LEPR: variants seen among roughly 807,000 people sequenced by gnomAD.
The protein encoded by LEPR is leptin receptor.
Under a neutral mutation model 114.7 loss-of-function variants are expected in LEPR, and 56 were observed. That is an observed-to-expected ratio of 0.49 (90% CI 0.39 to 0.61). LEPR has a LOEUF of 0.61. LEPR is among the 20% of genes least tolerant of loss of function. The probability of loss-of-function intolerance (pLI) is 0.00; values close to 1 mark genes in which losing one functional copy is unlikely to be tolerated. For synonymous variants in LEPR, 443 were observed against 461.4 expected (o/e 0.96, Z 0.51); for missense variants, 1,202 against 1,352.9 (o/e 0.89, Z 1.75).
intron 2 of LEPR, among the ~76,000 whole-genome samples, chr1:65,520,456 T>C (rs1367133250): frequency 6.6e-6 from 1 of 152,218 alleles, no homozygotes; most frequent in Non-Finnish European, 1.5e-5. Context: ...TCACATTCTG[T>C]TTTTAGTAGT....
chr1:65,424,868 A>C (rs538765799), intron 1 of LEPR, among the ~76,000 whole-genome samples: 2 of 152,286 alleles, frequency 1.3e-5, no homozygotes, highest in South Asian at 4.1e-4. Flanking sequence ...GAACCTAATT[A>C]TCTCCCAAAG....
At chr1:65,606,546 T>C (rs1040321063) in intron 11 of LEPR, among the ~76,000 whole-genome samples, 3 of 152,174 alleles carry the variant, frequency 2.0e-5, no homozygotes, top group Admixed American at 2.0e-4. Context: ...TGTTTTGTCA[T>C]CCATAAAATG....
At chr1:65,580,145 T>C (rs1654879274) in intron 5 of LEPR, among the ~76,000 whole-genome samples, 1 of 152,220 alleles carries the variant, frequency 6.6e-6, no homozygotes, top group Non-Finnish European at 1.5e-5. Flanking sequence ...ATATGTTCAT[T>C]GCACCAACTA....
intron 2 of LEPR, among the ~76,000 whole-genome samples, chr1:65,437,917 C>G (rs551640033): frequency 1.1e-3 from 164 of 151,890 alleles, no homozygotes; most frequent in African/African-American, 3.5e-3. Context: ...AAGGGTTCCT[C>G]CCACTTCTAC....
intron 2 of LEPR, among the ~76,000 whole-genome samples, chr1:65,555,299 A>G (rs963989244): frequency 1.3e-5 from 2 of 152,252 alleles, no homozygotes; most frequent in Non-Finnish European, 2.9e-5. Flanking sequence ...TGCTATTTGT[A>G]TAGAAATAAT....
chr1:65,627,907 A>AC (rs1402490626), intron 19 of LEPR, among the ~76,000 whole-genome samples: 1 of 152,098 alleles, frequency 6.6e-6, no homozygotes, highest in Non-Finnish European at 1.5e-5. Flanking sequence ...TTATGAAAGT[A>AC]CTCTTAACCT....
intron 2 of LEPR, among the ~76,000 whole-genome samples, chr1:65,547,680 T>C (rs988431203): frequency 1.3e-5 from 2 of 150,906 alleles, no homozygotes; most frequent in Non-Finnish European, 2.9e-5. Context: ...TTATTGCATC[T>C]ATTTGATTCT....
intron 2 of LEPR, among the ~76,000 whole-genome samples, chr1:65,520,678 C>CAT (rs1649587903): frequency 3.1e-5 from 2 of 63,878 alleles, no homozygotes; most frequent in South Asian, 2.3e-3. Flanking sequence ...TCAGGGGTCT[C>CAT]AGCCTTCAGA....
At chr1:65,618,562 C>A (rs1413025751) in intron 16 of LEPR, among the ~76,000 whole-genome samples, 5 of 152,032 alleles carry the variant, frequency 3.3e-5, no homozygotes, top group Non-Finnish European at 7.4e-5. Flanking sequence ...AACTCCTAAG[C>A]TCAAGTGATC....
At chr1:65,426,213 A>G (rs1298871954) in intron 2 of LEPR, among the ~76,000 whole-genome samples, 2 of 152,160 alleles carry the variant, frequency 1.3e-5, no homozygotes, top group Non-Finnish European at 2.9e-5. Flanking sequence ...GCACCAGGAA[A>G]GCTGAATGCT....
rs201104459 is a variant in LEPR at position 65,519,006 on chromosome 1, T to C, written c.-20-46540T>C. Among the ~76,000 whole-genome samples, 137 of 62,628 alleles carry C rather than the reference T, an allele frequency of 2.2e-3. 1 individual carries two copies. The highest frequency in any genetic ancestry group is 0.01 in the Middle Eastern group (1 of 96). 41.1% of individuals were successfully genotyped at this position (62,628 alleles called of 152,430 possible). On this transcript the variant is annotated intron_variant, in intron 2 of 19. Transcript: ENST00000349533. ...TCTTTCCTTCCTTCCTTCTTTCTTC[T>C]TTCTTTCTCTTTCTTTCTCTTTCTT...
intron 2 of LEPR, among the ~76,000 whole-genome samples, chr1:65,492,609 C>T (rs1647930805): frequency 6.6e-6 from 1 of 151,988 alleles, no homozygotes; most frequent in Admixed American, 6.6e-5. Context: ...TCATTATGGC[C>T]TGAGATATCC....
chr1:65,626,614 C>T (rs1658229494), intron 19 of LEPR, among the ~76,000 whole-genome samples: 1 of 152,002 alleles, frequency 6.6e-6, no homozygotes. Flanking sequence ...TCTCTTTAGC[C>T]TGTTGTTTTA....
rs557996359 is a variant in LEPR at position 65,620,913 on chromosome 1, G to A, written c.2492-440G>A. Among the ~76,000 whole-genome samples the A allele has an allele frequency of 2.2e-3, 337 of 152,296 alleles. 1 individual carries two copies. Among genetic ancestry groups the A allele is most frequent in the African/African-American group, 7.6e-3 (316 of 41,568 alleles). Reference sequence around the variant, plus strand: ...AGCATTCCAGGCAAAGGGACAGTGTGTGAAGAGCCCCTAAAGAGTGGGGAT... The same window carrying A: ...AGCATTCCAGGCAAAGGGACAGTGTATGAAGAGCCCCTAAAGAGTGGGGAT... On this transcript the variant is annotated intron_variant, in intron 17 of 19. Transcript: ENST00000349533.
At chr1:65,545,816 A>T (rs1350182335) in intron 2 of LEPR, among the ~76,000 whole-genome samples, 2 of 151,574 alleles carry the variant, frequency 1.3e-5, no homozygotes, top group Admixed American at 1.3e-4. Context: ...GTTTAATGAG[A>T]TCTCATTTGT....
intron 2 of LEPR, among the ~76,000 whole-genome samples, chr1:65,521,744 A>T (rs1006723102): frequency 6.6e-6 from 1 of 152,162 alleles, no homozygotes; most frequent in Non-Finnish European, 1.5e-5. Context: ...GAGGACTTAA[A>T]AGTTTCATGT....
At chr1:65,617,425 G>T (rs1441899043) in intron 15 of LEPR, among the ~76,000 whole-genome samples, 2 of 152,206 alleles carry the variant, frequency 1.3e-5, no homozygotes, top group Non-Finnish European at 2.9e-5. Context: ...AACAAGAGCA[G>T]CCAGATCAAA....
At chr1:65,628,035 T>A (rs888454238) in intron 19 of LEPR, among the ~76,000 whole-genome samples, 5 of 152,136 alleles carry the variant, frequency 3.3e-5, no homozygotes, top group Admixed American at 6.5e-5. Flanking sequence ...CCTGAACCTA[T>A]AATTATGTTA....
At chr1:65,602,608 A>G in intron 10 of LEPR, among the ~76,000 whole-genome samples, 1 of 152,236 alleles carries the variant, frequency 6.6e-6, no homozygotes. Flanking sequence ...TTTTAAAAAT[A>G]TCCCATAGTA....
Sources: allele counts gnomAD v4.1 joint callset (sites outside exome capture counted in the v4.1 genomes callset), GRCh38; gene constraint gnomAD v4.1.1; transcripts MANE v1.5; gene names NCBI Gene and HGNC (gene_info 2026-07-23, HGNC 2026-07-21).